The following KANK1 variants were observed in gnomAD, a reference collection of about 807,000 sequenced individuals.
KANK1 encodes the protein KN motif and ankyrin repeat domains 1, also known as KN motif and ankyrin repeat domain-containing protein 1.
KANK1 carries 109 observed loss-of-function variants against 106.2 expected under a neutral mutation model. That is an observed-to-expected ratio of 1.03 (90% CI 0.88 to 1.20). KANK1 has a LOEUF of 1.20. Among genes scored for constraint, KANK1 ranks in the 50% most tolerant of loss-of-function variants. The pLI is 0.00. For synonymous variants in KANK1, 873 were observed against 652.2 expected, an observed-to-expected ratio of 1.34 and a Z score of -5.16; for missense variants, 2,399 against 1,710.7, an observed-to-expected ratio of 1.40 and a Z score of -7.10.
chr9:480,753 G>C (rs2058189342), intron 3 of KANK1, among the ~76,000 whole-genome samples: 2 of 152,062 alleles, frequency 1.3e-5, no homozygotes, highest in African/African-American at 4.8e-5. Flanking sequence ...AGACGTTGTG[G>C]GGAAGATCTC....
chr9:535,685 C>G (rs1238297212), intron 1 of KANK1, among the ~76,000 whole-genome samples: 1 of 152,172 alleles, frequency 6.6e-6, no homozygotes, highest in Non-Finnish European at 1.5e-5. Context: ...GCTCCACTTG[C>G]TTGGTGCACA....
intron 1 of KANK1, among the ~76,000 whole-genome samples, chr9:614,623 A>C (rs1210972145): frequency 6.6e-6 from 1 of 151,994 alleles, no homozygotes; most frequent in East Asian, 1.9e-4. Context: ...CTTGCCCACT[A>C]AATGCCGGAA....
chr9:595,245 C>G (rs1004228035), intron 1 of KANK1, among the ~76,000 whole-genome samples: 12 of 151,546 alleles, frequency 7.9e-5, no homozygotes, highest in Non-Finnish European at 1.5e-4. Context: ...GAGACCCTGT[C>G]TCTACTTTTA....
intron 2 of KANK1, chr9:693,436 A>G: frequency 1.0e-6 from 1 of 985,450 alleles, no homozygotes; most frequent in Non-Finnish European, 1.2e-6. Flanking sequence ...TAACAGGCTT[A>G]CAGCTGCATT....
chr9:488,015 G>A lies in KANK1; in HGVS notation c.-362+14742G>A, dbSNP rs1054548137. On this transcript the variant is annotated intron_variant, in intron 3 of 15. Transcript: ENST00000382303. ...TTGACAAGAAGTAAACACCTTCCCT[G>A]TTCAACATAGGCCCCACCTTCCCAA... is the stretch of plus-strand genomic sequence containing the variant. Among the ~76,000 whole-genome samples, 3 of 152,250 alleles carry A rather than the reference G, an allele frequency of 2.0e-5. No individual in the cohort carries two copies. The East Asian group carries it at 5.8e-4, about 29-fold the overall frequency.
intron 1 of KANK1, among the ~76,000 whole-genome samples, chr9:521,904 C>T (rs1044999501): frequency 5.9e-5 from 9 of 151,620 alleles, no homozygotes; most frequent in African/African-American, 2.2e-4. Flanking sequence ...ACTATGTCTT[C>T]AGCTTCCATT....
intron 3 of KANK1, chr9:478,506 A>C (rs2058145486): frequency 6.6e-6 from 1 of 152,316 alleles, no homozygotes; most frequent in Non-Finnish European, 1.5e-5. Flanking sequence ...CAAGTCAACC[A>C]GGTATCCAGA....
chr9:556,656 G>C (rs2061603886), intron 1 of KANK1, among the ~76,000 whole-genome samples: 1 of 146,066 alleles, frequency 6.8e-6, no homozygotes, highest in African/African-American at 2.6e-5. Flanking sequence ...CATTTGTCCA[G>C]TTACTCTCCT....
chr9:706,781 G>C (rs1356345010), intron 2 of KANK1: 4 of 985,304 alleles, frequency 4.1e-6, no homozygotes, highest in Admixed American at 6.1e-5. Flanking sequence ...CCCGGATCCT[G>C]AGAACCCGCA....
At chr9:499,332 CT>C (rs1564126111) in intron 3 of KANK1, among the ~76,000 whole-genome samples, 3 of 151,914 alleles carry the variant, frequency 2.0e-5, no homozygotes, top group African/African-American at 7.3e-5. Flanking sequence ...GTGGAACAAC[CT>C]CAGTGTCCAT....
At chr9:738,069 C>T (rs1834267904) in intron 7 of KANK1, among the ~76,000 whole-genome samples, 1 of 151,740 alleles carries the variant, frequency 6.6e-6, no homozygotes, top group South Asian at 2.1e-4. Context: ...GCTGTCTGGT[C>T]TCCTTTATAG....
chr9:720,449 G>T (rs181283283), intron 3 of KANK1, among the ~76,000 whole-genome samples: 410 of 152,292 alleles, frequency 2.7e-3, no homozygotes, highest in Non-Finnish European at 4.3e-3. Context: ...AGCTCAAGCT[G>T]TCCTCACACG....
At chr9:661,523 A>G (rs1426767556) in intron 1 of KANK1, among the ~76,000 whole-genome samples, 1 of 152,140 alleles carries the variant, frequency 6.6e-6, no homozygotes, top group Admixed American at 6.5e-5. Context: ...CCAGTCTATC[A>G]TTGATGGGCA....
chr9:542,789 C>G (rs1164162261), intron 1 of KANK1, among the ~76,000 whole-genome samples: 4 of 152,144 alleles, frequency 2.6e-5, no homozygotes, highest in Admixed American at 1.3e-4. Context: ...AATAGCCAGG[C>G]ACAGAAAGAC....
intron 9 of KANK1, 34 bp from the exon 10 acceptor site, chr9:742,171 G>C (rs780280383): frequency 6.3e-7 from 1 of 1,596,122 alleles, no homozygotes; most frequent in Admixed American, 1.7e-5. Flanking sequence ...AGCTCAGTAC[G>C]TACTTCTGAA....
At chr9:494,341 T>A (rs1226339576) in intron 3 of KANK1, among the ~76,000 whole-genome samples, 1 of 152,208 alleles carries the variant, frequency 6.6e-6, no homozygotes, top group African/African-American at 2.4e-5. Context: ...CTACTTCATA[T>A]CTGATTTTTC....
At chr9:697,165 G>A (rs1355357175) in intron 2 of KANK1, among the ~76,000 whole-genome samples, 1 of 151,694 alleles carries the variant, frequency 6.6e-6, no homozygotes, top group Admixed American at 6.6e-5. Context: ...AAAAGTTCTC[G>A]TTTTTACCTT....
At chr9:553,032 G>C (rs10975118) in intron 1 of KANK1, among the ~76,000 whole-genome samples, 50,135 of 151,954 alleles carry the variant, frequency 0.33, 9,514 homozygotes, top group African/African-American at 0.47. Context: ...TGTAATCCCA[G>C]CTACTTGGGA....
At chr9:518,408 C>T (rs955344919) in intron 1 of KANK1, among the ~76,000 whole-genome samples, 1 of 151,536 alleles carries the variant, frequency 6.6e-6, no homozygotes, top group Non-Finnish European at 1.5e-5. Flanking sequence ...TGGCCCAGGG[C>T]AGTTTTTACT....
Sources: gnomAD v4.1 joint callset for allele counts (sites outside exome capture counted in the v4.1 genomes callset) on GRCh38, gnomAD v4.1.1 for gene constraint, MANE v1.5 for transcripts, NCBI Gene and HGNC (gene_info 2026-07-23, HGNC 2026-07-21) for gene names.